CDH18: variants seen among roughly 807,000 people sequenced by gnomAD.
CDH18 encodes cadherin-18.
A neutral mutation model predicts 67.9 loss-of-function variants in CDH18; 31 were observed. The observed-to-expected ratio is 0.46, with a 90% CI of 0.34 to 0.62. The LOEUF is 0.62. Ranked by LOEUF, CDH18 falls within the 20% of genes least tolerant of loss-of-function variation. CDH18 has a pLI of 0.01. For missense variants in CDH18, 890 were observed against 975.5 expected, an observed-to-expected ratio of 0.91 and a Z score of 1.17; for synonymous variants, 362 against 347.2, an observed-to-expected ratio of 1.04 and a Z score of -0.48.
At chr5:20,072,299 T>C (rs189595462) in intron 2 of CDH18, among the ~76,000 whole-genome samples, 8 of 152,198 alleles carry the variant, frequency 5.3e-5, no homozygotes, top group African/African-American at 1.9e-4. Flanking sequence ...TTCTTGTGTT[T>C]CTTTTGCCCA....
chr5:20,204,578 A>C (rs1487034854), intron 2 of CDH18, among the ~76,000 whole-genome samples: 1 of 152,068 alleles, frequency 6.6e-6, no homozygotes, highest in African/African-American at 2.4e-5. Context: ...GATAAAATTA[A>C]GTGCACAGAC....
chr5:20,213,307 T>G (rs1389847377), intron 2 of CDH18, among the ~76,000 whole-genome samples: 1 of 152,146 alleles, frequency 6.6e-6, no homozygotes, highest in Non-Finnish European at 1.5e-5. Flanking sequence ...GCACAGATTG[T>G]GGTCTCTCAA....
At chr5:20,460,727 TC>T (rs1751206775) in intron 1 of CDH18, among the ~76,000 whole-genome samples, 1 of 152,160 alleles carries the variant, frequency 6.6e-6, no homozygotes, top group Non-Finnish European at 1.5e-5. Flanking sequence ...GCTCCTTATT[TC>T]TTGTATCAAA....
intron 2 of CDH18, among the ~76,000 whole-genome samples, chr5:20,087,049 ATAAT>A (rs1358870465): frequency 6.6e-6 from 1 of 152,218 alleles, no homozygotes; most frequent in African/African-American, 2.4e-5. Context: ...TAAAATATTC[ATAAT>A]TAATAGACAT....
intron 2 of CDH18, among the ~76,000 whole-genome samples, chr5:20,161,074 T>C (rs1167790181): frequency 6.6e-6 from 1 of 152,206 alleles, no homozygotes; most frequent in Non-Finnish European, 1.5e-5. Context: ...ATCTTATGAC[T>C]CACAAAGTCA....
In CDH18 at chr5:19,691,060, G is replaced by C. The variant is rs77361470; in HGVS notation, c.643+30287C>G. On this transcript the variant is annotated intron_variant, in intron 5 of 12. Coordinates refer to ENST00000382275, the MANE Select transcript of CDH18 (RefSeq NM_004934.5). Reference sequence around the variant, plus strand: ...ACAAATTGAATCTAACAGTGCATTAGAAAGACAATATATCATGATAAAGTG... The same window carrying C: ...ACAAATTGAATCTAACAGTGCATTACAAAGACAATATATCATGATAAAGTG... Among the ~76,000 whole-genome samples, 576 of 151,898 alleles carry C rather than the reference G, an allele frequency of 3.8e-3. 2 individuals are homozygous for C. The highest frequency in any genetic ancestry group is 4.3e-3 in the Admixed American group (66 of 15,248).
chr5:19,627,220 A>T (rs1242911073), intron 5 of CDH18, among the ~76,000 whole-genome samples: 1 of 152,198 alleles, frequency 6.6e-6, no homozygotes, highest in East Asian at 1.9e-4. Context: ...ACCCCAAAGT[A>T]ACCATTACAT....
At chr5:19,509,086 C>T (rs1345810545) in intron 10 of CDH18, among the ~76,000 whole-genome samples, 1 of 152,024 alleles carries the variant, frequency 6.6e-6, no homozygotes, top group African/African-American at 2.4e-5. Context: ...CCAGGCTGGT[C>T]TAGAACCCCT....
intron 2 of CDH18, among the ~76,000 whole-genome samples, chr5:19,908,161 A>G (rs1250025830): frequency 6.6e-6 from 1 of 152,082 alleles, no homozygotes; most frequent in East Asian, 1.9e-4. Context: ...GAAATACTTA[A>G]TCATTCATTT....
intron 1 of CDH18, among the ~76,000 whole-genome samples, chr5:20,321,354 G>A (rs2150007196): frequency 6.6e-6 from 1 of 152,090 alleles, no homozygotes; most frequent in South Asian, 2.1e-4. Flanking sequence ...TAGTTAGAGT[G>A]TCAGACACCA....
chr5:19,935,953 T>C (rs1794214242), intron 2 of CDH18, among the ~76,000 whole-genome samples: 1 of 151,094 alleles, frequency 6.6e-6, no homozygotes, highest in Non-Finnish European at 1.5e-5. Context: ...CCAGACTGTA[T>C]GATTGAAATA....
intron 3 of CDH18, among the ~76,000 whole-genome samples, chr5:19,825,884 A>G (rs767932849): frequency 5.3e-5 from 8 of 152,152 alleles, no homozygotes; most frequent in Non-Finnish European, 1.0e-4. Context: ...AACCAGGATG[A>G]AATAGCTGAA....
chr5:19,667,890 C>T (rs1758186979), intron 5 of CDH18, among the ~76,000 whole-genome samples: 1 of 151,850 alleles, frequency 6.6e-6, no homozygotes, highest in Non-Finnish European at 1.5e-5. Flanking sequence ...CATTTATTTT[C>T]TATGCTAGAG....
At chr5:20,231,317 T>C (rs1024993365) in intron 2 of CDH18, among the ~76,000 whole-genome samples, 23 of 152,252 alleles carry the variant, frequency 1.5e-4, no homozygotes, top group South Asian at 4.1e-4. Flanking sequence ...TAGAAATTAC[T>C]GGATAATATC....
At chr5:19,498,975 A>G (rs1005441853) in intron 11 of CDH18, among the ~76,000 whole-genome samples, 4 of 152,172 alleles carry the variant, frequency 2.6e-5, no homozygotes, top group Non-Finnish European at 4.4e-5. Flanking sequence ...TCTTTGCTCC[A>G]TTTCAGTGTG....
At chr5:20,323,730 G>A (rs1432302561) in intron 1 of CDH18, among the ~76,000 whole-genome samples, 2 of 152,214 alleles carry the variant, frequency 1.3e-5, no homozygotes, top group Non-Finnish European at 2.9e-5. Context: ...GAAGTGTGAT[G>A]CATTTTGTTC....
At chr5:19,683,704 C>G (rs541696690) in intron 5 of CDH18, among the ~76,000 whole-genome samples, 12 of 152,220 alleles carry the variant, frequency 7.9e-5, no homozygotes, top group African/African-American at 2.9e-4. Flanking sequence ...TTGAATTCAT[C>G]TGGCTTCATC....
chr5:19,649,208 A>G (rs953176091), intron 5 of CDH18, among the ~76,000 whole-genome samples: 1 of 152,278 alleles, frequency 6.6e-6, no homozygotes, highest in South Asian at 2.1e-4. Context: ...TATATTTGCA[A>G]TTGTAGAACA....
At chr5:19,541,132 T>C (rs561490803) in intron 9 of CDH18, among the ~76,000 whole-genome samples, 1 of 152,278 alleles carries the variant, frequency 6.6e-6, no homozygotes, top group East Asian at 1.9e-4. Flanking sequence ...AAAAAGCTGC[T>C]AGTCTCTGCT....
Sources: allele counts gnomAD v4.1 joint callset (sites outside exome capture counted in the v4.1 genomes callset), GRCh38; gene constraint gnomAD v4.1.1; transcripts MANE v1.5; gene names NCBI Gene and HGNC (gene_info 2026-07-23, HGNC 2026-07-21).